Variants in TRIM75 observed in about 807,000 individuals in gnomAD.
TRIM75 encodes tripartite motif containing 75, also known as tripartite motif-containing protein 75.
the TRIM75 span, chr4:165,059,733 C>G: frequency 1.3e-6 from 1 of 780,816 alleles, no homozygotes; most frequent in Non-Finnish European, 2.4e-6. Context: ...GTTTTTAGAC[C>G]GTGAGCAACA....
chr4:165,060,138 AG>A, the TRIM75 span: 1 of 780,982 alleles, frequency 1.3e-6, no homozygotes, highest in Non-Finnish European at 2.4e-6. Context: ...TTTCCCAAAA[AG>A]ATTTACAGTC....
chr4:165,058,335 A>AT, the TRIM75 span, among the ~76,000 whole-genome samples: 1,114 of 150,070 alleles, frequency 7.4e-3, 18 homozygotes, highest in African/African-American at 0.025. Context: ...TGCCCAACTA[A>AT]TTTTTTTTTT....
At chr4:165,055,201 T>C in the TRIM75 span, among the ~76,000 whole-genome samples, 19 of 151,986 alleles carry the variant, frequency 1.3e-4, no homozygotes. Flanking sequence ...TTGAATTCCT[T>C]GGGCTCAAGC....
chr4:165,058,614 A>T, the TRIM75 span, among the ~76,000 whole-genome samples: 1 of 152,100 alleles, frequency 6.6e-6, no homozygotes, highest in Non-Finnish European at 1.5e-5. Flanking sequence ...GGATGTGGGG[A>T]TTGTGGTTCC....
At chr4:165,058,521 C>T in the TRIM75 span, among the ~76,000 whole-genome samples, 3 of 152,182 alleles carry the variant, frequency 2.0e-5, no homozygotes, top group South Asian at 6.2e-4. Flanking sequence ...GTAACAAAGG[C>T]TGTATTTTAA....
At chr4:165,059,835 C>T in the TRIM75 span, 1 of 780,866 alleles carries the variant, frequency 1.3e-6, no homozygotes, top group East Asian at 2.4e-5. Flanking sequence ...CAGTGCCACA[C>T]TCAAAAGCCA....
chr4:165,057,028 C>A, the TRIM75 span, among the ~76,000 whole-genome samples: 3 of 152,002 alleles, frequency 2.0e-5, no homozygotes, highest in African/African-American at 7.3e-5. Flanking sequence ...GGAAGATGCC[C>A]GCTTTTTTTT....
chr4:165,059,230 C>T, the TRIM75 span: 2 of 780,360 alleles, frequency 2.6e-6, no homozygotes, highest in East Asian at 2.4e-5. Context: ...GACCCCGTCA[C>T]CATCGAATGT....
the TRIM75 span, chr4:165,059,645 C>CA: frequency 1.3e-6 from 1 of 780,566 alleles, no homozygotes; most frequent in South Asian, 1.3e-5. Flanking sequence ...GCACTCAAAG[C>CA]AAAAAACCCT....
At chr4:165,060,202 A>G in the TRIM75 span, 1 of 780,876 alleles carries the variant, frequency 1.3e-6, no homozygotes, top group Non-Finnish European at 2.4e-6. Context: ...CATTTCTGGG[A>G]GATTGAAGTG....
the TRIM75 span, among the ~76,000 whole-genome samples, chr4:165,056,068 A>G: frequency 6.6e-6 from 1 of 151,756 alleles, no homozygotes; most frequent in African/African-American, 2.4e-5. Flanking sequence ...GGCATCAGTT[A>G]TCTACACCCA....
the TRIM75 span, among the ~76,000 whole-genome samples, chr4:165,055,283 CTTT>C: frequency 0.11 from 13,805 of 129,508 alleles, 723 homozygotes; most frequent in African/African-American, 0.17. Flanking sequence ...AAGATAACTA[CTTT>C]TTTTTTTTTT....
the TRIM75 span, among the ~76,000 whole-genome samples, chr4:165,054,494 T>C: frequency 3.9e-5 from 6 of 152,064 alleles, no homozygotes; most frequent in South Asian, 2.1e-4. Context: ...GTCTCGATCT[T>C]CTGACCTCGT....
chr4:165,059,941 C>T, the TRIM75 span: 2 of 779,764 alleles, frequency 2.6e-6, no homozygotes, highest in Non-Finnish European at 4.8e-6. Context: ...AGTAGCCCAT[C>T]GATCTTTTCA....
chr4:165,057,723 A>C, the TRIM75 span, among the ~76,000 whole-genome samples: 1 of 152,000 alleles, frequency 6.6e-6, no homozygotes, highest in African/African-American at 2.4e-5. Flanking sequence ...TAGTAGCGAC[A>C]AGGTTTTGCC....
chr4:165,059,231 C>T, the TRIM75 span: 1 of 780,250 alleles, frequency 1.3e-6, no homozygotes. Context: ...ACCCCGTCAC[C>T]ATCGAATGTG....
the TRIM75 span, chr4:165,060,335 A>G: frequency 2.6e-6 from 2 of 780,952 alleles, no homozygotes; most frequent in African/African-American, 1.7e-5. Flanking sequence ...GCTATCATGC[A>G]CCAGGGGCTT....
chr4:165,059,321 C>T, the TRIM75 span: 3 of 780,486 alleles, frequency 3.8e-6, no homozygotes, highest in Non-Finnish European at 7.2e-6. Flanking sequence ...TCTGTCGTCA[C>T]CAGTGTCAAG....
chr4:165,060,032 A>G, the TRIM75 span: 1 of 773,214 alleles, frequency 1.3e-6, no homozygotes, highest in Admixed American at 1.8e-5. Flanking sequence ...TTAAAGTAGA[A>G]ATAATTCTAG....
Sources: gnomAD v4.1 joint callset for allele counts (sites outside exome capture counted in the v4.1 genomes callset) on GRCh38, gnomAD v4.1.1 for gene constraint, MANE v1.5 for transcripts, NCBI Gene and HGNC (gene_info 2026-07-23, HGNC 2026-07-21) for gene names.